RBM22: variants seen among roughly 807,000 people sequenced by gnomAD.
RBM22 encodes RNA binding motif protein 22, also known as pre-mRNA-splicing factor RBM22.
Under a neutral mutation model 50.1 loss-of-function variants are expected in RBM22, and 1 was observed. The ratio of observed to expected loss-of-function variants is 0.02; its 90% CI spans 0.01 to 0.09. RBM22 has a LOEUF of 0.09. Ranked by LOEUF, RBM22 falls within the 10% of genes least tolerant of loss-of-function variation. The probability of loss-of-function intolerance (pLI) is 1.00; values close to 1 mark genes in which losing one functional copy is unlikely to be tolerated. For synonymous variants in RBM22, 152 were observed against 179.0 expected (o/e 0.85, Z 1.20); for missense variants, 264 against 529.3 (o/e 0.50, Z 4.92).
rs1216805197 is a variant in RBM22, at chr5:150,691,110, C to T, written c.*641G>A. ...AGCTCCATGAAATTTGTGTTTCCAT[C>T]CAGTTGACAGGAATAAAAAGGAATT... On this transcript the variant is annotated 3_prime_UTR_variant, in exon 11 of 11. Transcript: ENST00000199814. The T allele has an allele frequency of 6.6e-6, 1 of 152,310 alleles. No homozygotes were observed. Among genetic ancestry groups the T allele is most frequent in the African/African-American group, 2.4e-5 (1 of 41,410 alleles). 9.4% of individuals were successfully genotyped at this position (152,310 alleles called of 1,614,324 possible).
At position 150,696,743 on chromosome 5, in the gene RBM22, A is replaced by G. The variant is rs375296476; in HGVS notation, c.373-38T>C. 3 of 1,613,776 alleles carry G rather than the reference A, an allele frequency of 1.9e-6. No individual in the cohort carries two copies. The highest frequency in any genetic ancestry group is 2.5e-6 in the Non-Finnish European group (3 of 1,179,626). On this transcript the variant is annotated intron_variant, in intron 5 of 10. Transcript: ENST00000199814. The surrounding 1 kb of genome is among the most constrained non-coding windows in gnomAD (Gnocchi z 4.3). ...GACAAATTCAAAAGATAAATTATAC[A>G]GACTGTGTCAATTCATTAGGATTTT...
chr5:150,693,039 A>AAATAGTC lies in RBM22; in HGVS notation c.1001-20_1001-14dup, dbSNP rs781684375. The AAATAGTC allele has an allele frequency of 5.0e-6, 8 of 1,600,762 alleles. No homozygotes were observed. In the East Asian group the frequency reaches 1.6e-4, roughly 31 times the overall value. On this transcript the variant is annotated splice_polypyrimidine_tract_variant and intron_variant, in intron 9 of 10. Coordinates refer to ENST00000199814, the MANE Select transcript of RBM22 (RefSeq NM_018047.3). The stretch of plus-strand genomic sequence containing the variant: ...GGAGGAGGAAGAGCTGGAGGAGAGA[A>AAATAGTC]AATAGTCAACACATAGAGGGGAGAA...
chr5:150,696,655 T>C lies in RBM22; in HGVS notation c.423A>G (p.Thr141=), dbSNP rs756840363. ...GTTTGAGCAGCATGTCACTGGTAGA[T>C]GTGGCTTTCCCCAGCATGCCAACTG... ...TRPVGMLGKA[T]STSDMLLKLA... Residue 141 remains threonine (T), a synonymous_variant, in exon 6 of 11, where the codon ACA becomes ACG. Transcript: ENST00000199814. The surrounding 1 kb of genome is among the most constrained non-coding windows in gnomAD (Gnocchi z 4.3). The C allele has an allele frequency of 6.2e-7, 1 of 1,614,204 alleles. No individual in the cohort carries two copies. The highest frequency in any genetic ancestry group is 8.5e-7 in the Non-Finnish European group (1 of 1,180,028).
chr5:150,693,386 A>G (rs750800570), intron 8 of RBM22, 79 bp from the exon 9 acceptor site: 29 of 1,138,530 alleles, frequency 2.5e-5, no homozygotes, highest in African/African-American at 6.1e-5. Flanking sequence ...CCCCAGTCCA[A>G]TGGAGTTCCT....
chr5:150,700,294 A>G, intron 2 of RBM22, 150 bp downstream of exon 2: 1 of 711,192 alleles, frequency 1.4e-6, no homozygotes, highest in South Asian at 1.8e-5. Context: ...GTAAGAGAAT[A>G]CACATGACAG....
At chr5:150,692,615 A>C (rs546470089) in intron 10 of RBM22, among the ~76,000 whole-genome samples, 3 of 152,316 alleles carry the variant, frequency 2.0e-5, no homozygotes, top group African/African-American at 7.2e-5. Context: ...ATCCATTAGC[A>C]TTTAGTTTAG....
chr5:150,693,121 G>A, intron 9 of RBM22, 95 bp from the exon 10 acceptor site: 1 of 1,546,344 alleles, frequency 6.5e-7, no homozygotes, highest in Non-Finnish European at 8.8e-7. Flanking sequence ...TACTGGGAGA[G>A]TAGAGCGGCA....
chr5:150,692,850 C>T, intron 10 of RBM22, 45 bp downstream of exon 10: 1 of 1,533,812 alleles, frequency 6.5e-7, no homozygotes, highest in Non-Finnish European at 8.8e-7. Flanking sequence ...TGAGACAGAA[C>T]TTTCACAAGG....
chr5:150,697,180 G>A (rs1261115238), intron 4 of RBM22, among the ~76,000 whole-genome samples: 1 of 152,070 alleles, frequency 6.6e-6, no homozygotes, highest in Admixed American at 6.5e-5. Flanking sequence ...CTAGCACTTT[G>A]CAAGGCTGGA....
At chr5:150,691,996 G>T in intron 10 of RBM22, 115 bp from the exon 11 acceptor site, 1 of 1,172,260 alleles carries the variant, frequency 8.5e-7, no homozygotes, top group Non-Finnish European at 1.1e-6. Flanking sequence ...TTGACACGGG[G>T]CTTAAGCAAA....
rs762888173 is a variant in RBM22 at position 150,700,990 on chromosome 5, A to G, written c.-5T>C. 3 of 1,614,068 alleles carry G rather than the reference A, an allele frequency of 1.9e-6. No individual in the cohort carries two copies. The highest frequency in any genetic ancestry group is 2.5e-6 in the Non-Finnish European group (3 of 1,180,040). On this transcript the variant is annotated 5_prime_UTR_variant, in exon 1 of 11. Coordinates refer to ENST00000199814, the MANE Select transcript of RBM22 (RefSeq NM_018047.3). ...GGAACCCAGAGAGGTCGCCATCTTG[A>G]GAGCGTCCGGAGGTAGCTGTAGCTT... is the stretch of plus-strand genomic sequence containing the variant.
At chr5:150,694,347 C>G in intron 7 of RBM22, 107 bp from the exon 8 acceptor site, 4 of 1,441,262 alleles carry the variant, frequency 2.8e-6, no homozygotes, top group Non-Finnish European at 1.8e-6. Flanking sequence ...GCAGGTGGGC[C>G]CCAAGGTTAT....
intron 1 of RBM22, 45 bp downstream of exon 1, chr5:150,700,887 C>T: frequency 1.9e-6 from 3 of 1,614,142 alleles, no homozygotes; most frequent in Non-Finnish European, 2.5e-6. Context: ...GCAAGGTGCG[C>T]GGCTTCGCCT....
At chr5:150,695,173 C>T (rs539583389) in intron 7 of RBM22, among the ~76,000 whole-genome samples, 11 of 152,158 alleles carry the variant, frequency 7.2e-5, no homozygotes, top group Non-Finnish European at 1.6e-4. Context: ...ACTACAGGCA[C>T]ATGCCACCAC....
Position 150,693,304 on chromosome 5 carries a change from G to C in RBM22, c.915C>G (p.Ser305=). The change falls in exon 9 of 11, where the codon TCC becomes TCG. Residue 305 remains serine (S), a synonymous_variant. Transcript: ENST00000199814. ...GRRLNVKWGR[S]QAARGKEKEK... is the part of the protein sequence containing the mutation. ...CTTTTTCTTTTCCTCTGGCTGCCTG[G>C]GATCTGGGAAACACACATGCATACA... 6.2e-7 allele frequency: 1 copy of C among 1,612,534 alleles called. No homozygotes were observed. The highest frequency in any genetic ancestry group is 8.5e-7 in the Non-Finnish European group (1 of 1,179,366).
intron 2 of RBM22, among the ~76,000 whole-genome samples, chr5:150,700,162 C>G (rs1007076811): frequency 6.6e-6 from 1 of 152,202 alleles, no homozygotes; most frequent in Non-Finnish European, 1.5e-5. Context: ...CCATTCCTTA[C>G]TATTGTATGA....
intron 2 of RBM22, 41 bp downstream of exon 2, chr5:150,700,403 C>G: frequency 1.3e-6 from 2 of 1,560,994 alleles, no homozygotes; most frequent in Non-Finnish European, 1.8e-6. Context: ...ACCACAACAT[C>G]GACAGGACAT....
In RBM22 at chr5:150,698,554, T is replaced by C; in HGVS notation, c.216A>G (p.Gln72=). 3.1e-6 allele frequency: 5 copies of C among 1,614,104 alleles called. No individual in the cohort carries two copies. Among genetic ancestry groups the C allele is most frequent in the African/African-American group, 1.3e-5 (1 of 75,036 alleles). Residue 72 remains glutamine, a synonymous_variant, in exon 4 of 11, where the codon CAA becomes CAG. Transcript: ENST00000199814. ...AGACATTCTTCAATTTACTGCAGGTTTGGCACACTTCAGTCTTCTTGAAAC... is the reference window on the plus strand; with the variant it reads ...AGACATTCTTCAATTTACTGCAGGTCTGGCACACTTCAGTCTTCTTGAAAC... ...RMRFKKTEVC[Q]TCSKLKNVCQ...
At chr5:150,697,821 G>T in intron 4 of RBM22, 1 of 257,794 alleles carries the variant, frequency 3.9e-6, no homozygotes, top group Non-Finnish European at 7.6e-6. Context: ...ACTCCCAAAA[G>T]CAGTTACTCT....
Sources: allele counts gnomAD v4.1 joint callset (sites outside exome capture counted in the v4.1 genomes callset), GRCh38; gene constraint gnomAD v4.1.1; non-coding constraint Gnocchi (gnomAD v3.1); transcripts MANE v1.5; gene names NCBI Gene and HGNC (gene_info 2026-07-23, HGNC 2026-07-21).